PPP2R2B: variants seen among roughly 807,000 people sequenced by gnomAD.
PPP2R2B encodes protein phosphatase 2 regulatory subunit Bbeta.
PPP2R2B carries 5 observed loss-of-function variants against 46.0 expected under a neutral mutation model. The observed-to-expected ratio is 0.11, with a 90% CI of 0.06 to 0.23. The LOEUF (loss-of-function observed/expected upper bound fraction) is 0.23, where lower values mean the gene tolerates loss of function less well. Ranked by LOEUF, PPP2R2B falls within the 10% of genes least tolerant of loss-of-function variation. PPP2R2B has a pLI of 1.00. For synonymous variants in PPP2R2B, 215 were observed against 206.7 expected, an observed-to-expected ratio of 1.04 and a Z score of -0.34; for missense variants, 367 against 575.0, an observed-to-expected ratio of 0.64 and a Z score of 3.70.
chr5:146,860,630 T>A (rs548502013), intron 2 of PPP2R2B, among the ~76,000 whole-genome samples: 1 of 152,300 alleles, frequency 6.6e-6, no homozygotes, highest in South Asian at 2.1e-4. Flanking sequence ...CTAAACATTT[T>A]AAAACTGGCT....
At chr5:146,712,680 G>A (rs1013772882) in intron 2 of PPP2R2B, among the ~76,000 whole-genome samples, 13 of 152,098 alleles carry the variant, frequency 8.5e-5, no homozygotes, top group Admixed American at 7.9e-4. Context: ...TGGCTGATCC[G>A]GATGGCTAGG....
intron 2 of PPP2R2B, among the ~76,000 whole-genome samples, chr5:146,809,472 T>C (rs950928381): frequency 1.3e-5 from 2 of 152,020 alleles, no homozygotes; most frequent in Non-Finnish European, 2.9e-5. Context: ...TGACTAATTA[T>C]AATAATGGCT....
chr5:146,642,354 G>A (rs2151083908), intron 6 of PPP2R2B, among the ~76,000 whole-genome samples: 1 of 152,310 alleles, frequency 6.6e-6, no homozygotes, highest in South Asian at 2.1e-4. Context: ...AGAGGGTCAT[G>A]GCAGGATGGT....
At chr5:146,697,936 G>T (rs1349312214) in intron 4 of PPP2R2B, 43 bp downstream of exon 4, 1 of 1,563,914 alleles carries the variant, frequency 6.4e-7, no homozygotes, top group African/African-American at 1.4e-5. Context: ...ATATAGTTTG[G>T]CCGACTGTAT....
At chr5:147,070,473 C>G (rs1260469171) in intron 2 of PPP2R2B, among the ~76,000 whole-genome samples, 1 of 152,142 alleles carries the variant, frequency 6.6e-6, no homozygotes. Flanking sequence ...CTTTTAAATT[C>G]CATTAACTAA....
intron 2 of PPP2R2B, among the ~76,000 whole-genome samples, chr5:146,808,054 G>C (rs1362962777): frequency 6.6e-6 from 1 of 151,906 alleles, no homozygotes; most frequent in Non-Finnish European, 1.5e-5. Context: ...GCCTGCCTCA[G>C]CCTCCCAAAG....
Position 146,830,529 on chromosome 5 carries a change from C to CTT in PPP2R2B, c.70+47471_70+47472dup, listed in dbSNP as rs56686117. ...ACCAATAGTATCTTCTGTATATTGG[C>CTT]TTTTTTTTTTTTTGAGATGGAGTCT... On this transcript the variant is annotated intron_variant, in intron 2 of 9. Coordinates refer to ENST00000394411, the MANE Select transcript of PPP2R2B (RefSeq NM_181675.4). Among the ~76,000 whole-genome samples, 583 of 144,076 alleles carry CTT rather than the reference C, an allele frequency of 4.0e-3. 1 individual carries two copies. The highest frequency in any genetic ancestry group is 4.9e-3 in the Non-Finnish European group (324 of 65,626). The allele number at this position is 144,076 out of a possible 152,430, so 94.5% of individuals were successfully genotyped here. A position where few individuals can be genotyped will look rare whatever the true frequency, so the allele number is the denominator to read the frequency against.
chr5:147,048,360 T>C (rs144717968), intron 1 of PPP2R2B, among the ~76,000 whole-genome samples: 78 of 152,260 alleles, frequency 5.1e-4, no homozygotes, highest in African/African-American at 1.9e-3. Context: ...AGCCTTTCTG[T>C]GTCTTATCTG....
At chr5:146,723,922 C>T (rs1226005567) in intron 2 of PPP2R2B, among the ~76,000 whole-genome samples, 2 of 152,098 alleles carry the variant, frequency 1.3e-5, no homozygotes, top group Non-Finnish European at 2.9e-5. Flanking sequence ...TTTCTCTGAA[C>T]CTTTGACTAT....
intron 1 of PPP2R2B, among the ~76,000 whole-genome samples, chr5:146,950,612 G>A (rs1373132369): frequency 1.3e-5 from 2 of 151,916 alleles, no homozygotes; most frequent in Non-Finnish European, 2.9e-5. Flanking sequence ...CTTTTAAAAG[G>A]TAGTGAAAAT....
chr5:146,782,697 G>C (rs779634523), intron 2 of PPP2R2B, among the ~76,000 whole-genome samples: 13 of 151,800 alleles, frequency 8.6e-5, no homozygotes, highest in Non-Finnish European at 1.6e-4. Context: ...TTGATCCATA[G>C]TTTTTCAAGC....
intron 2 of PPP2R2B, among the ~76,000 whole-genome samples, chr5:146,869,253 T>C (rs1271794118): frequency 6.6e-6 from 1 of 152,190 alleles, no homozygotes; most frequent in Non-Finnish European, 1.5e-5. Context: ...TTTCTTGCCA[T>C]TTTGCTAAGA....
At chr5:146,705,749 G>A (rs1213589389) in intron 2 of PPP2R2B, among the ~76,000 whole-genome samples, 1 of 152,016 alleles carries the variant, frequency 6.6e-6, no homozygotes, top group African/African-American at 2.4e-5. Flanking sequence ...GGGTTGGGGA[G>A]GGGATAGGAA....
At chr5:146,651,797 T>C (rs975020328) in intron 5 of PPP2R2B, among the ~76,000 whole-genome samples, 2 of 152,356 alleles carry the variant, frequency 1.3e-5, no homozygotes, top group South Asian at 2.1e-4. Flanking sequence ...AACTTCTGGA[T>C]TGGCTTCAAC....
chr5:146,995,402 G>C (rs1753881169), intron 1 of PPP2R2B, among the ~76,000 whole-genome samples: 2 of 152,180 alleles, frequency 1.3e-5, no homozygotes, highest in Non-Finnish European at 1.5e-5. Context: ...GGGCCACAAG[G>C]AAGTGTGTAT....
At chr5:146,853,370 C>T (rs773238320) in intron 2 of PPP2R2B, among the ~76,000 whole-genome samples, 1 of 152,118 alleles carries the variant, frequency 6.6e-6, no homozygotes, top group Non-Finnish European at 1.5e-5. Context: ...CATTATCCTG[C>T]TCATCTCTAT....
rs948907456 is a variant in PPP2R2B at position 146,585,262 on chromosome 5, A to ACACG, written c.*4684_*4685insCGTG. On this transcript the variant is annotated 3_prime_UTR_variant, in exon 10 of 10. Coordinates refer to ENST00000394411, the MANE Select transcript of PPP2R2B (RefSeq NM_181675.4). ...CAGTAACTTCCATCTACATGCATAC[A>ACACG]CACACACACACACACACACACACAC... The ACACG allele has an allele frequency of 7.8e-6, 1 of 127,912 alleles. No individual in the cohort carries two copies. Among genetic ancestry groups the ACACG allele is most frequent in the African/African-American group, 3.0e-5 (1 of 33,612 alleles). 7.9% of individuals were successfully genotyped at this position (127,912 alleles called of 1,614,324 possible). A position where few individuals can be genotyped will look rare whatever the true frequency, so the allele number is the denominator to read the frequency against.
At chr5:146,954,419 C>T (rs1446274810) in intron 1 of PPP2R2B, among the ~76,000 whole-genome samples, 1 of 152,080 alleles carries the variant, frequency 6.6e-6, no homozygotes, top group African/African-American at 2.4e-5. Context: ...AATGGAAAAC[C>T]AAACATTGAA....
chr5:146,977,415 G>A (rs1582534114), intron 1 of PPP2R2B, among the ~76,000 whole-genome samples: 1 of 151,978 alleles, frequency 6.6e-6, no homozygotes, highest in East Asian at 1.9e-4. Context: ...CGGGATACAT[G>A]TGCAGAACAT....
Sources: gnomAD v4.1 joint callset for allele counts (sites outside exome capture counted in the v4.1 genomes callset) on GRCh38, gnomAD v4.1.1 for gene constraint, MANE v1.5 for transcripts, NCBI Gene and HGNC (gene_info 2026-07-23, HGNC 2026-07-21) for gene names.